The following PRSS54 variants were observed in gnomAD, a reference collection of about 807,000 sequenced individuals.
PRSS54 encodes the protein serine protease 54.
Under a neutral mutation model 19.9 loss-of-function variants are expected in PRSS54, and 16 were observed. The observed-to-expected ratio is 0.80, with a 90% confidence interval of 0.54 to 1.22. PRSS54 has a LOEUF of 1.22. Among genes scored for constraint, PRSS54 ranks in the 50% most tolerant of loss-of-function variants. The pLI is 0.00. For synonymous variants in PRSS54, 177 were observed against 195.8 expected (o/e 0.90, Z 0.80); for missense variants, 444 against 494.8 (o/e 0.90, Z 0.97).
intron 1 of PRSS54, 64 bp downstream of exon 1, chr16:58,294,823 G>C (rs1388734824): frequency 6.6e-6 from 1 of 152,478 alleles, no homozygotes; most frequent in Non-Finnish European, 1.5e-5. Flanking sequence ...GCCAGTCCAA[G>C]GTCACACAGC....
At chr16:58,293,604 G>A in intron 3 of PRSS54, 128 bp downstream of exon 3, 1 of 1,505,624 alleles carries the variant, frequency 6.6e-7, no homozygotes, top group South Asian at 1.3e-5. Flanking sequence ...GCCGCCCGGT[G>A]CAAAGTGCCG....
chr16:58,289,807 C>T (rs1964997497), intron 4 of PRSS54, among the ~76,000 whole-genome samples: 1 of 151,928 alleles, frequency 6.6e-6, no homozygotes, highest in South Asian at 2.1e-4. Context: ...GAACTCCTGA[C>T]CTCAAGTGAT....
chr16:58,284,535 G>A, intron 6 of PRSS54, 55 bp downstream of exon 6: 1 of 1,606,864 alleles, frequency 6.2e-7, no homozygotes, highest in Non-Finnish European at 8.5e-7. Flanking sequence ...AGGCTCCCCT[G>A]GATGTGACCA....
At chr16:58,285,572 A>T (rs539420053) in intron 5 of PRSS54, among the ~76,000 whole-genome samples, 1 of 152,224 alleles carries the variant, frequency 6.6e-6, no homozygotes. Flanking sequence ...CCCCATTTCC[A>T]CAAAAATAAA....
intron 4 of PRSS54, among the ~76,000 whole-genome samples, chr16:58,290,203 G>GA (rs1458801282): frequency 6.7e-6 from 1 of 150,354 alleles, no homozygotes; most frequent in African/African-American, 2.4e-5. Context: ...GTATATATAT[G>GA]AAAAATTATA....
Position 58,280,011 on chromosome 16 carries a change from T to G in PRSS54, c.*213A>C. On this transcript the variant is annotated 3_prime_UTR_variant, in exon 7 of 7. Transcript: ENST00000567164. Reference sequence around the variant, plus strand: ...GGGCACTCTAATGGTTTGACACTTGTTAGCCAGCATTTAGTTCACAAGCAT... The same window carrying G: ...GGGCACTCTAATGGTTTGACACTTGGTAGCCAGCATTTAGTTCACAAGCAT... 4 of 625,996 alleles carry G rather than the reference T, an allele frequency of 6.4e-6. No homozygotes were observed. Among genetic ancestry groups the G allele is most frequent in the Non-Finnish European group, 1.1e-5 (4 of 360,994 alleles). The allele number at this position is 625,996 out of a possible 1,614,324, so 38.8% of individuals were successfully genotyped here.
Position 58,288,824 on chromosome 16 carries a change from C to T in PRSS54, c.263+2135G>A, listed in dbSNP as rs371641262. ...GCAGCTGAAAAAAGAATGCATTAGC[C>T]CTTTATGTACCAATAAGAAAAGGTC... On this transcript the variant is annotated intron_variant, in intron 4 of 6. Coordinates refer to ENST00000567164, the MANE Select transcript of PRSS54 (RefSeq NM_001305173.2). Among the ~76,000 whole-genome samples, 13 of 152,128 alleles carry T rather than the reference C, an allele frequency of 8.5e-5. No homozygotes were observed. In the South Asian group the frequency reaches 2.7e-3, roughly 32 times the overall value.
In PRSS54 at chr16:58,284,484, C is replaced by T. The variant is rs1596899848; in HGVS notation, c.654+106G>A. On this transcript the variant is annotated intron_variant, in intron 6 of 6. Coordinates refer to ENST00000567164, the MANE Select transcript of PRSS54 (RefSeq NM_001305173.2). ...CAGAGACAGCCACTCATCCCAAGCC[C>T]TGCCCTCACAGAGCTCCCCATCTAG... is the stretch of plus-strand genomic sequence containing the variant. 3 of 1,343,976 alleles carry T rather than the reference C, an allele frequency of 2.2e-6. No homozygotes were observed. The East Asian group carries it at 6.9e-5, about 31-fold the overall frequency. 83.3% of individuals were successfully genotyped at this position (1,343,976 alleles called of 1,614,324 possible).
Position 58,280,465 on chromosome 16 carries a change from T to C in PRSS54, c.947A>G (p.Gln316Arg), listed in dbSNP as rs1964690749. The C allele has an allele frequency of 6.2e-7, 1 of 1,614,214 alleles. No homozygotes were observed. ...TCGTGAATGCGTGATGGTCCTTCTT[T>C]GTCCCTGCAAGTATGATCCAACATG... is the stretch of plus-strand genomic sequence containing the variant. ...LGHVGSYLQG[Q>R]RRTITHSRLG... Residue 316 changes from glutamine to arginine, a missense_variant, in exon 7 of 7, where the codon CAA (glutamine) becomes CGA (arginine). Transcript: ENST00000567164.
chr16:58,284,513 A>AG, intron 6 of PRSS54, 77 bp downstream of exon 6: 1 of 1,535,174 alleles, frequency 6.5e-7, no homozygotes, highest in African/African-American at 1.4e-5. Context: ...CATCTAGGGA[A>AG]GGGGAGTCCT....
chr16:58,280,267 A>G lies in PRSS54; in HGVS notation c.1145T>C (p.Ile382Thr). ...GAAAACAAGCACGAAGGAAACCAAGATGATTTCTTCGGGCTGATACAACCT... is the reference window on the plus strand; with the variant it reads ...GAAAACAAGCACGAAGGAAACCAAGGTGATTTCTTCGGGCTGATACAACCT... ...QNRLYQPEEIILVSFVLVFFC... is the reference protein window; with the variant it reads ...QNRLYQPEEITLVSFVLVFFC... Residue 382 changes from isoleucine to threonine, a missense_variant, in exon 7 of 7, where the codon ATC (isoleucine) becomes ACC (threonine). Ile to Thr is a moderately conservative substitution (Grantham distance 89). Coordinates refer to ENST00000567164, the MANE Select transcript of PRSS54 (RefSeq NM_001305173.2). The G allele has an allele frequency of 6.2e-7, 1 of 1,613,944 alleles. No homozygotes were observed.
rs761494415 is a variant in PRSS54 at position 58,280,578 on chromosome 16, G to T, written c.834C>A (p.Leu278=). 4 of 1,614,164 alleles carry T rather than the reference G, an allele frequency of 2.5e-6. No individual in the cohort carries two copies. In the South Asian group the frequency reaches 4.4e-5, roughly 18 times the overall value. The change falls in exon 7 of 7, where the codon CTC becomes CTA. Residue 278 remains leucine (L), a synonymous_variant. Coordinates refer to ENST00000567164, the MANE Select transcript of PRSS54 (RefSeq NM_001305173.2). ...AERAGPPLSS[L]HHWEKLISFS... ...AAGAAATCAACTTTTCCCAGTGGTG[G>T]AGTGAGGACAGGGGAGGGCCGGCCC... is the stretch of plus-strand genomic sequence containing the variant.
chr16:58,287,215 C>T (rs1018990992), intron 4 of PRSS54, among the ~76,000 whole-genome samples: 1 of 152,150 alleles, frequency 6.6e-6, no homozygotes, highest in Non-Finnish European at 1.5e-5. Flanking sequence ...TGTTGCGTGT[C>T]CACTATCTCT....
intron 5 of PRSS54, among the ~76,000 whole-genome samples, chr16:58,285,723 CAAA>C (rs1178010291): frequency 1.6e-4 from 13 of 78,824 alleles, no homozygotes; most frequent in Admixed American, 1.3e-3. Flanking sequence ...GACCCTGTCT[CAAA>C]AAAAAAAAAA....
At chr16:58,285,535 G>A (rs1180590008) in intron 5 of PRSS54, among the ~76,000 whole-genome samples, 1 of 151,884 alleles carries the variant, frequency 6.6e-6, no homozygotes, top group African/African-American at 2.4e-5. Context: ...CCAGGAGTTC[G>A]ATACAAGCCT....
chr16:58,290,289 G>T (rs1424318643), intron 4 of PRSS54, among the ~76,000 whole-genome samples: 1 of 151,812 alleles, frequency 6.6e-6, no homozygotes, highest in Non-Finnish European at 1.5e-5. Context: ...GAACAGCTTT[G>T]TACATACAAA....
chr16:58,291,610 T>C (rs1430777272), intron 3 of PRSS54, among the ~76,000 whole-genome samples: 3 of 151,698 alleles, frequency 2.0e-5, no homozygotes, highest in Admixed American at 1.3e-4. Context: ...GCCTCTGGAG[T>C]AGTTGTGACT....
rs1330348875 is a variant in PRSS54, at chr16:58,284,677, C to A, written c.567G>T (p.Val189=). 1 of 1,614,120 alleles carries A rather than the reference C, an allele frequency of 6.2e-7. No homozygotes were observed. The highest frequency in any genetic ancestry group is 1.3e-5 in the African/African-American group (1 of 75,040). The change falls in exon 6 of 7, where the codon GTG becomes GTT. Residue 189 remains valine (V), a synonymous_variant. Coordinates refer to ENST00000567164, the MANE Select transcript of PRSS54 (RefSeq NM_001305173.2). ...ATAGGGGACACATGTCAAGATCTTT[C>A]ACGAAGATTTTCCTCAGGACACTCA... ...MTMSVLRKIF[V]KDLDMCPLYK...
In PRSS54 at chr16:58,285,968, C is replaced by A. The variant is rs1260924284; in HGVS notation, c.491G>T (p.Cys164Phe). 2 of 1,614,202 alleles carry A rather than the reference C, an allele frequency of 1.2e-6. No homozygotes were observed. Among genetic ancestry groups the A allele is most frequent in the South Asian group, 1.1e-5 (1 of 91,086 alleles). ...TGTGGGATTCCATCCTGACACCCAG[C>A]AGTTCTGCAAGACTGGTGGTGTATG... ...MLHTPPVLQNCWVSGWNPTSA... is the reference protein window; with the variant it reads ...MLHTPPVLQNFWVSGWNPTSA... The change falls in exon 5 of 7, where the codon TGC becomes TTC. Residue 164 changes from cysteine to phenylalanine, a missense_variant. Physicochemically the swap from Cys to Phe is radical, Grantham distance 205. Coordinates refer to ENST00000567164, the MANE Select transcript of PRSS54 (RefSeq NM_001305173.2).
Sources: allele counts gnomAD v4.1 joint callset (sites outside exome capture counted in the v4.1 genomes callset), GRCh38; gene constraint gnomAD v4.1.1; transcripts MANE v1.5; gene names NCBI Gene and HGNC (gene_info 2026-07-23, HGNC 2026-07-21).